ATN1: variants seen among roughly 807,000 people sequenced by gnomAD.
ATN1 encodes atrophin-1.
ATN1 carries 19 observed loss-of-function variants against 85.8 expected under a neutral mutation model. That is an observed-to-expected ratio of 0.22 (90% CI 0.15 to 0.32). The LOEUF is 0.32. ATN1 is among the 10% of genes least tolerant of loss of function. The pLI, the probability that ATN1 is intolerant of heterozygous loss-of-function variation, is 1.00. For synonymous variants in ATN1, 674 were observed against 657.0 expected, an observed-to-expected ratio of 1.03 and a Z score of -0.39; for missense variants, 1,453 against 1,564.5, an observed-to-expected ratio of 0.93 and a Z score of 1.20.
rs1555143424 is a variant in ATN1 at position 6,935,370 on chromosome 12, A to C, written c.280-177A>C. On this transcript the variant is annotated intron_variant, in intron 4 of 9. Coordinates refer to ENST00000396684, the MANE Select transcript of ATN1 (RefSeq NM_001940.4). This position sits in a 1 kb window ranked among gnomAD's most constrained non-coding sequence, Gnocchi z 5.3. ...AAGACTGGCTGCTAGGGAGCAGCCA[A>C]GAATGTGAGGAAAGTGAGAAATCCC... Among the ~76,000 whole-genome samples the C allele has an allele frequency of 1.3e-5, 2 of 152,182 alleles. No individual in the cohort carries two copies. The highest frequency in any genetic ancestry group is 2.9e-5 in the Non-Finnish European group (2 of 68,028).
At position 6,936,977 on chromosome 12, in the gene ATN1, C is replaced by T. The variant is rs1945549787; in HGVS notation, c.1710C>T (p.Ser570=). 1 of 1,613,440 alleles carries T rather than the reference C, an allele frequency of 6.2e-7. No individual in the cohort carries two copies. The change falls in exon 5 of 10, where the codon TCC becomes TCT. Residue 570 remains serine, a synonymous_variant. Coordinates refer to ENST00000396684, the MANE Select transcript of ATN1 (RefSeq NM_001940.4). ...GCCCCAATGGCCCTCCAGTCTCTTCCTCTTCCAACTCTTCCTCTTCCACTT... is the reference window on the plus strand; with the variant it reads ...GCCCCAATGGCCCTCCAGTCTCTTCTTCTTCCAACTCTTCCTCTTCCACTT... ...QAGPNGPPVS[S]SSNSSSSTSQ... is the part of the protein sequence containing the mutation.
upstream of ATN1, among the ~76,000 whole-genome samples, chr12:6,925,229 T>C (rs1346373205): frequency 1.3e-5 from 2 of 151,858 alleles, no homozygotes; most frequent in Non-Finnish European, 2.9e-5. Context: ...AGACAATGGT[T>C]TCTTTTGTGA....
chr12:6,936,407 T>C lies in ATN1; in HGVS notation c.1140T>C (p.Ser380=), dbSNP rs1225755815. The change falls in exon 5 of 10, where the codon AGT becomes AGC. Residue 380 remains serine (S), a synonymous_variant. Coordinates refer to ENST00000396684, the MANE Select transcript of ATN1 (RefSeq NM_001940.4). ...GGTTTCCTTATTCATCCTCTAGTAG[T>C]AGCTCTGCAGCAGCCTCCTCTTCCA... ...PMRFPYSSSS[S]SSAAASSSSS... 6.2e-7 allele frequency: 1 copy of C among 1,613,372 alleles called. No individual in the cohort carries two copies. Among genetic ancestry groups the C allele is most frequent in the Non-Finnish European group, 8.5e-7 (1 of 1,179,882 alleles).
chr12:6,934,355 T>G lies in ATN1; in HGVS notation c.165+42T>G. On this transcript the variant is annotated intron_variant, in intron 3 of 9. Coordinates refer to ENST00000396684, the MANE Select transcript of ATN1 (RefSeq NM_001940.4). The surrounding 1 kb of genome is among the most constrained non-coding windows in gnomAD (Gnocchi z 4.5). ...TCCTCCCACAGGATGCCCAAGGCAC[T>G]GGGGCTGAGGGTGTGTGTGTGTTGT... 1 of 1,581,540 alleles carries G rather than the reference T, an allele frequency of 6.3e-7. No individual in the cohort carries two copies. The highest frequency in any genetic ancestry group is 8.6e-7 in the Non-Finnish European group (1 of 1,165,760).
intron 7 of ATN1, among the ~76,000 whole-genome samples, chr12:6,940,184 G>C (rs1415733248): frequency 2.6e-5 from 4 of 152,194 alleles, no homozygotes; most frequent in African/African-American, 9.6e-5. Context: ...TAGACACGGG[G>C]TTTCACCATG....
At position 6,934,235 on chromosome 12, in the gene ATN1, G is replaced by T. The variant is rs200869380; in HGVS notation, c.87G>T (p.Ser29=). The T allele has an allele frequency of 1.4e-5, 22 of 1,589,228 alleles. No individual in the cohort carries two copies. The African/African-American group carries it at 2.3e-4, about 17-fold the overall frequency. The part of the protein sequence containing the change: ...EAPGPREELR[S]RGRASPGGVS... ...CTGGGCCCCGGGAAGAACTGAGATC[G>T]AGGGGCCGGGCCTCCCCTGGAGGGG... The change falls in exon 3 of 10, where the codon TCG becomes TCT. Residue 29 remains serine, a synonymous_variant. Coordinates refer to ENST00000396684, the MANE Select transcript of ATN1 (RefSeq NM_001940.4). This position sits in a 1 kb window ranked among gnomAD's most constrained non-coding sequence, Gnocchi z 4.5.
chr12:6,937,132 C>G lies in ATN1; in HGVS notation c.1865C>G (p.Ala622Gly), dbSNP rs150801397. Residue 622 changes from alanine to glycine, a missense_variant, in exon 5 of 10, where the codon GCT becomes GGT. Ala to Gly is a moderately conservative substitution (Grantham distance 60). Transcript: ENST00000396684. The surrounding 1 kb of genome is among the most constrained non-coding windows in gnomAD (Gnocchi z 6.0). ...CTTTCCACGGTCATTGCCACCGTGGCTTCCTCGCCAGCAGGCTACAAAACG... is the reference window on the plus strand; with the variant it reads ...CTTTCCACGGTCATTGCCACCGTGGGTTCCTCGCCAGCAGGCTACAAAACG... The part of the protein sequence containing the change: ...ATLSTVIATV[A>G]SSPAGYKTAS... 7.6e-4 allele frequency: 1,221 copies of G among 1,611,616 alleles called. No homozygotes were observed. Among genetic ancestry groups the G allele is most frequent in the Non-Finnish European group, 9.7e-4 (1,139 of 1,180,026 alleles).
chr12:6,928,757 G>A (rs1201485461), intron 1 of ATN1, among the ~76,000 whole-genome samples: 4 of 152,214 alleles, frequency 2.6e-5, no homozygotes, highest in Non-Finnish European at 4.4e-5. Context: ...GTGGGGTTCC[G>A]GGCGAAGGCA....
chr12:6,929,994 C>T (rs1945440575), intron 1 of ATN1, among the ~76,000 whole-genome samples: 1 of 152,194 alleles, frequency 6.6e-6, no homozygotes, highest in Admixed American at 6.5e-5. Flanking sequence ...GGCTCCCAGG[C>T]CCATCCCAGG....
intron 7 of ATN1, among the ~76,000 whole-genome samples, 153 bp from the exon 8 acceptor site, chr12:6,940,727 C>T (rs781868070): frequency 6.6e-6 from 1 of 152,310 alleles, no homozygotes; most frequent in South Asian, 2.1e-4. Flanking sequence ...TCCACCCCTG[C>T]CAGGCCTCTA....
Position 6,937,455 on chromosome 12 carries a change from C to T in ATN1, c.2188C>T (p.Pro730Ser), listed in dbSNP as rs1555143986. 4 of 1,546,860 alleles carry T rather than the reference C, an allele frequency of 2.6e-6. No homozygotes were observed. In the Admixed American group the frequency reaches 5.9e-5, roughly 23 times the overall value. ...PLSATQIKQE[P>S]AEEYETPESP... is the part of the protein sequence containing the mutation. Reference sequence around the variant, plus strand: ...GAGCGCCACGCAGATCAAACAGGAGCCGGCTGAGGAGTATGAGACCCCCGA... The same window carrying T: ...GAGCGCCACGCAGATCAAACAGGAGTCGGCTGAGGAGTATGAGACCCCCGA... Residue 730 changes from proline (P) to serine (S), a missense_variant, in exon 5 of 10, where the codon CCG (proline) becomes TCG (serine). By Grantham distance (74) the Pro-to-Ser change is moderately conservative (BLOSUM62 -1). This residue lies in a region of ATN1 where 990 missense variants were observed against 914.8 expected (regional missense o/e 1.08). Coordinates refer to ENST00000396684, the MANE Select transcript of ATN1 (RefSeq NM_001940.4). This position sits in a 1 kb window ranked among gnomAD's most constrained non-coding sequence, Gnocchi z 6.0.
Position 6,939,014 on chromosome 12 carries a change from T to A in ATN1, c.3051T>A (p.Tyr1017Ter). Residue 1017 changes from tyrosine (Y) to a stop codon, truncating the protein, a stop_gained, in exon 7 of 10, where the codon TAT becomes TAA. Transcript: ENST00000396684. LOFTEE classifies it high-confidence loss of function. ...CAGCCCTGCGGCCTGACATGTCCTA[T>A]GCTGAGCGGCTGGCAGCTGAGAGGC... ...AGPALRPDMS[Y>*]AERLAAERQH... is the part of the protein sequence containing the mutation. The A allele has an allele frequency of 6.2e-7, 1 of 1,611,660 alleles. No homozygotes were observed. The highest frequency in any genetic ancestry group is 8.5e-7 in the Non-Finnish European group (1 of 1,179,990).
At chr12:6,927,481 C>T (rs1327418260), upstream of ATN1, among the ~76,000 whole-genome samples, 2 of 151,718 alleles carry the variant, frequency 1.3e-5, no homozygotes, top group African/African-American at 4.8e-5. Flanking sequence ...CGCCCCCAAA[C>T]TTCAGCCTCC....
At position 6,937,915 on chromosome 12, in the gene ATN1, G is replaced by A. The variant is rs781796782; in HGVS notation, c.2365G>A (p.Gly789Ser). Reference sequence around the variant, plus strand: ...CGACCTGTACTTCGTGCCACTGGAGGGCTCCAAGCTGGCCAAGAAGCGGGC... The same window carrying A: ...CGACCTGTACTTCGTGCCACTGGAGAGCTCCAAGCTGGCCAAGAAGCGGGC... ...RSDLYFVPLEGSKLAKKRADL... is the reference protein window; with the variant it reads ...RSDLYFVPLESSKLAKKRADL... Residue 789 changes from glycine to serine, a missense_variant, in exon 6 of 10, where the codon GGC (glycine) becomes AGC (serine). Gly to Ser is a moderately conservative substitution (Grantham distance 56, BLOSUM62 0). Coordinates refer to ENST00000396684, the MANE Select transcript of ATN1 (RefSeq NM_001940.4). This position sits in a 1 kb window ranked among gnomAD's most constrained non-coding sequence, Gnocchi z 6.0. 1 of 1,596,606 alleles carries A rather than the reference G, an allele frequency of 6.3e-7. No individual in the cohort carries two copies. The highest frequency in any genetic ancestry group is 8.5e-7 in the Non-Finnish European group (1 of 1,172,270).
In ATN1 at chr12:6,937,787, G is replaced by A; in HGVS notation, c.2295-58G>A. ...AAGCACTCGCCGGGGCCGCGGCGCT[G>A]CGGGCTCCATCGGGCAGCTCGCACC... is the stretch of plus-strand genomic sequence containing the variant. On this transcript the variant is annotated intron_variant, in intron 5 of 9. Transcript: ENST00000396684. This position sits in a 1 kb window ranked among gnomAD's most constrained non-coding sequence, Gnocchi z 6.0. The A allele has an allele frequency of 6.7e-7, 1 of 1,486,696 alleles. No homozygotes were observed. The highest frequency in any genetic ancestry group is 1.3e-5 in the South Asian group (1 of 74,954). 92.1% of individuals were successfully genotyped at this position (1,486,696 alleles called of 1,614,324 possible).
intron 1 of ATN1, among the ~76,000 whole-genome samples, chr12:6,932,720 C>T (rs1269024169): frequency 6.6e-6 from 1 of 152,168 alleles, no homozygotes; most frequent in African/African-American, 2.4e-5. Context: ...GACTTTTCCT[C>T]TAGCCTTAGG....
At chr12:6,926,282 C>T (rs782312614), upstream of ATN1, among the ~76,000 whole-genome samples, 1 of 152,162 alleles carries the variant, frequency 6.6e-6, no homozygotes, top group Admixed American at 6.5e-5. Context: ...TCCCTGTGAC[C>T]CAGGGGATCT....
Position 6,928,191 on chromosome 12 carries a change from T to C in ATN1, c.-356T>C, listed in dbSNP as rs1307103742. ...GTTTGCTCCGGGGGCCGGCGGGCGATTGGGGCCAGGCGGGGAAAAGGGGGG... is the reference window on the plus strand; with the variant it reads ...GTTTGCTCCGGGGGCCGGCGGGCGACTGGGGCCAGGCGGGGAAAAGGGGGG... On this transcript the variant is annotated 5_prime_UTR_variant, in exon 1 of 10. Transcript: ENST00000396684. 6.3e-5 allele frequency: 7 copies of C among 110,644 alleles called. No individual in the cohort carries two copies. The East Asian group carries it at 8.8e-4, about 14-fold the overall frequency. 6.9% of individuals were successfully genotyped at this position (110,644 alleles called of 1,614,324 possible). A position where few individuals can be genotyped will look rare whatever the true frequency, so the allele number is the denominator to read the frequency against.
In ATN1 at chr12:6,937,607, G is replaced by A. The variant is rs1555144039; in HGVS notation, c.2294+46G>A. The A allele has an allele frequency of 2.7e-6, 4 of 1,456,010 alleles. No homozygotes were observed. The South Asian group carries it at 4.2e-5, about 15-fold the overall frequency. The allele number at this position is 1,456,010 out of a possible 1,614,324, so 90.2% of individuals were successfully genotyped here. A position where few individuals can be genotyped will look rare whatever the true frequency, so the allele number is the denominator to read the frequency against. ...GAGGTGGGCCTGGAAAGGGGACGAC[G>A]ACAAGGCGGCGACGAGAGAGGGAGT... On this transcript the variant is annotated intron_variant, in intron 5 of 9. Transcript: ENST00000396684. This position sits in a 1 kb window ranked among gnomAD's most constrained non-coding sequence, Gnocchi z 6.0.
Sources: allele counts gnomAD v4.1 joint callset (sites outside exome capture counted in the v4.1 genomes callset), GRCh38; gene constraint gnomAD v4.1.1; regional missense constraint gnomAD v4.1.1; non-coding constraint Gnocchi (gnomAD v3.1); transcripts MANE v1.5; gene names NCBI Gene and HGNC (gene_info 2026-07-23, HGNC 2026-07-21).